The following CACNA2D3 variants were observed in gnomAD, a reference collection of about 807,000 sequenced individuals.
CACNA2D3 encodes the protein calcium voltage-gated channel auxiliary subunit alpha2delta 3.
In CACNA2D3, 60 loss-of-function variants were observed where a neutral mutation model predicts 160.6. The ratio of observed to expected loss-of-function variants is 0.37; its 90% CI spans 0.30 to 0.46. The LOEUF is 0.46. CACNA2D3 is among the 20% of genes least tolerant of loss of function. CACNA2D3 has a pLI of 1.00. For missense variants in CACNA2D3, 1,205 were observed against 1,365.0 expected (o/e 0.88, Z 1.85); for synonymous variants, 558 against 492.9 (o/e 1.13, Z -1.75).
chr3:54,928,199 G>A (rs1353180243), intron 27 of CACNA2D3: 6 of 450,396 alleles, frequency 1.3e-5, no homozygotes, highest in Non-Finnish European at 2.0e-5. Flanking sequence ...GATCATCCCT[G>A]CCTTTCCCAT....
At chr3:54,539,222 G>A (rs1207995878) in intron 5 of CACNA2D3, among the ~76,000 whole-genome samples, 1 of 152,198 alleles carries the variant, frequency 6.6e-6, no homozygotes, top group Non-Finnish European at 1.5e-5. Flanking sequence ...TTGTAAGTGT[G>A]CATAATAGGA....
chr3:54,294,305 A>T (rs529295001), intron 2 of CACNA2D3, among the ~76,000 whole-genome samples: 1 of 152,286 alleles, frequency 6.6e-6, no homozygotes, highest in African/African-American at 2.4e-5. Context: ...CCACTTTCCA[A>T]AGAAGCCTTG....
At chr3:54,909,766 G>T (rs1700519871) in intron 27 of CACNA2D3, among the ~76,000 whole-genome samples, 2 of 151,510 alleles carry the variant, frequency 1.3e-5, no homozygotes, top group Admixed American at 6.6e-5. Flanking sequence ...GAGTGAATCA[G>T]CAAATGAGAC....
Position 54,417,021 on chromosome 3 carries a change from GTC to G in CACNA2D3, c.381+30251_381+30252del, listed in dbSNP as rs142428745. Among the ~76,000 whole-genome samples, 497 of 152,298 alleles carry G rather than the reference GTC, an allele frequency of 3.3e-3. 19 individuals are homozygous for G. The East Asian group carries it at 0.071, about 22-fold the overall frequency. ...AGACATGGTATGTCTTTGGCAGGCA[GTC>G]TCTTAAAAAATACAGGTAGGAACTC... On this transcript the variant is annotated intron_variant, in intron 4 of 37. Coordinates refer to ENST00000474759, the MANE Select transcript of CACNA2D3 (RefSeq NM_018398.3).
At chr3:54,646,659 A>G (rs1699658847) in intron 11 of CACNA2D3, among the ~76,000 whole-genome samples, 1 of 152,142 alleles carries the variant, frequency 6.6e-6, no homozygotes, top group Admixed American at 6.5e-5. Flanking sequence ...TCTATCACTG[A>G]TGGGCATTTA....
At chr3:54,955,429 G>A (rs1396121339) in intron 27 of CACNA2D3, among the ~76,000 whole-genome samples, 1 of 152,054 alleles carries the variant, frequency 6.6e-6, no homozygotes, top group Non-Finnish European at 1.5e-5. Flanking sequence ...TAGGGCAGGG[G>A]TTTAAGACAA....
intron 11 of CACNA2D3, among the ~76,000 whole-genome samples, chr3:54,741,374 T>A (rs988932509): frequency 2.0e-5 from 3 of 152,200 alleles, no homozygotes; most frequent in Non-Finnish European, 4.4e-5. Context: ...GTCCCAAACA[T>A]TTTACTTTAT....
At chr3:54,367,068 T>C (rs1008781870) in intron 3 of CACNA2D3, among the ~76,000 whole-genome samples, 9 of 152,200 alleles carry the variant, frequency 5.9e-5, no homozygotes, top group Non-Finnish European at 1.0e-4. Flanking sequence ...GATTATTGAC[T>C]TCGAATCTAT....
rs1052152769 is a variant in CACNA2D3 at position 54,456,760 on chromosome 3, A to G, written c.382-46732A>G. 2.6e-5 allele frequency among the ~76,000 whole-genome samples: 4 copies of G among 151,954 alleles called. No individual in the cohort carries two copies. The East Asian group carries it at 7.7e-4, about 29-fold the overall frequency. ...TTTCTTTATTGGGAGGTTTTTAACT[A>G]CAACTTTAACCTCTTGGTTCATTAT... is the stretch of plus-strand genomic sequence containing the variant. On this transcript the variant is annotated intron_variant, in intron 4 of 37. Coordinates refer to ENST00000474759, the MANE Select transcript of CACNA2D3 (RefSeq NM_018398.3).
chr3:54,769,253 C>G (rs571904065), intron 13 of CACNA2D3, among the ~76,000 whole-genome samples: 173 of 152,110 alleles, frequency 1.1e-3, no homozygotes, highest in Non-Finnish European at 2.0e-3. Context: ...TTATGACTGT[C>G]CTGACACATC....
intron 15 of CACNA2D3, 110 bp downstream of exon 15, chr3:54,837,340 A>G: frequency 2.4e-6 from 2 of 826,956 alleles, no homozygotes; most frequent in East Asian, 4.9e-5. Context: ...GATGTATGTC[A>G]TTTTTCCTTA....
At chr3:54,669,825 T>C (rs1416567457) in intron 11 of CACNA2D3, among the ~76,000 whole-genome samples, 1 of 152,138 alleles carries the variant, frequency 6.6e-6, no homozygotes, top group Non-Finnish European at 1.5e-5. Flanking sequence ...AATTTTTACA[T>C]TTTTGGTAGA....
At position 54,142,413 on chromosome 3, in the gene CACNA2D3, T is replaced by A. The variant is rs57078240; in HGVS notation, c.204+18819T>A. Among the ~76,000 whole-genome samples, 2,342 of 152,318 alleles carry A rather than the reference T, an allele frequency of 0.015. 158 individuals are homozygous for A. The East Asian group carries it at 0.23, about 15-fold the overall frequency. On this transcript the variant is annotated intron_variant, in intron 2 of 37. Transcript: ENST00000474759. ...GCTGGGCTCTCAGTTGCTACTGCCT[T>A]CAGGAAGCCTTATTCCAACCTCCTC...
At chr3:54,519,620 C>G (rs1483257322) in intron 5 of CACNA2D3, among the ~76,000 whole-genome samples, 1 of 152,190 alleles carries the variant, frequency 6.6e-6, no homozygotes, top group African/African-American at 2.4e-5. Context: ...GTGCCTTTCC[C>G]TAATAAATAG....
intron 23 of CACNA2D3, 56 bp from the exon 24 acceptor site, chr3:54,887,903 C>G (rs1699963546): frequency 7.2e-7 from 1 of 1,386,858 alleles, no homozygotes; most frequent in Admixed American, 1.7e-5. Flanking sequence ...ATGAGTGCCT[C>G]TCATGCCCCT....
intron 8 of CACNA2D3, among the ~76,000 whole-genome samples, chr3:54,580,765 G>C (rs1419490070): frequency 6.6e-6 from 1 of 152,194 alleles, no homozygotes; most frequent in East Asian, 1.9e-4. Context: ...TATGGAAGAG[G>C]GACCTAACCC....
chr3:54,141,923 T>C (rs1193235398), intron 2 of CACNA2D3, among the ~76,000 whole-genome samples: 1 of 152,220 alleles, frequency 6.6e-6, no homozygotes, highest in Non-Finnish European at 1.5e-5. Context: ...AAAATAAGAT[T>C]GCACCCTCGT....
At chr3:54,302,505 T>TC (rs1703501709) in intron 2 of CACNA2D3, among the ~76,000 whole-genome samples, 1 of 152,188 alleles carries the variant, frequency 6.6e-6, no homozygotes, top group East Asian at 1.9e-4. Flanking sequence ...GCTTGGTGGA[T>TC]CCTCTTCTAA....
At chr3:54,845,096 A>G (rs1193293468) in intron 16 of CACNA2D3, among the ~76,000 whole-genome samples, 1 of 152,228 alleles carries the variant, frequency 6.6e-6, no homozygotes, top group Non-Finnish European at 1.5e-5. Context: ...TTCACAGCAT[A>G]ATGAAATATA....
Sources: allele counts gnomAD v4.1 joint callset (sites outside exome capture counted in the v4.1 genomes callset), GRCh38; gene constraint gnomAD v4.1.1; transcripts MANE v1.5; gene names NCBI Gene and HGNC (gene_info 2026-07-23, HGNC 2026-07-21).